DOCK2: variants seen among roughly 807,000 people sequenced by gnomAD.
The protein encoded by DOCK2 is dedicator of cytokinesis protein 2.
A neutral mutation model predicts 248.9 loss-of-function variants in DOCK2; 87 were observed. The ratio of observed to expected loss-of-function variants is 0.35; its 90% CI spans 0.29 to 0.42. The LOEUF (loss-of-function observed/expected upper bound fraction) is 0.42. Among genes scored for constraint, DOCK2 ranks in the 10% least tolerant of loss-of-function variants. DOCK2 has a pLI of 1.00. For synonymous variants in DOCK2, 805 were observed against 821.6 expected (o/e 0.98, Z 0.35); for missense variants, 1,747 against 2,300.2 (o/e 0.76, Z 4.92).
At chr5:169,994,502 G>C (rs535812596) in intron 29 of DOCK2, among the ~76,000 whole-genome samples, 1 of 152,304 alleles carries the variant, frequency 6.6e-6, no homozygotes, top group African/African-American at 2.4e-5. Flanking sequence ...GTGCTCATAG[G>C]AGGGGTGCCA....
intron 22 of DOCK2, among the ~76,000 whole-genome samples, chr5:169,729,493 C>A (rs1226769642): frequency 6.6e-6 from 1 of 152,176 alleles, no homozygotes; most frequent in East Asian, 1.9e-4. Context: ...TACTCTCCCA[C>A]ATACAGGAGA....
chr5:170,054,457 G>C (rs1243216785), intron 41 of DOCK2, among the ~76,000 whole-genome samples: 2 of 152,172 alleles, frequency 1.3e-5, no homozygotes, highest in Non-Finnish European at 2.9e-5. Flanking sequence ...CCTAGAAGAG[G>C]CATGACAAGG....
chr5:170,040,296 G>A (rs573579756), intron 36 of DOCK2, among the ~76,000 whole-genome samples: 6 of 152,208 alleles, frequency 3.9e-5, no homozygotes, highest in South Asian at 2.1e-4. Context: ...TTTCCAAAGC[G>A]CCCTTCCTTT....
intron 26 of DOCK2, among the ~76,000 whole-genome samples, chr5:169,808,349 TAG>T (rs759250424): frequency 6.6e-5 from 10 of 152,154 alleles, no homozygotes; most frequent in Non-Finnish European, 1.3e-4. Context: ...TTGTCTTCAA[TAG>T]ATTGTCATTG....
At chr5:169,677,211 A>G (rs965456299) in intron 6 of DOCK2, among the ~76,000 whole-genome samples, 4 of 152,212 alleles carry the variant, frequency 2.6e-5, no homozygotes, top group African/African-American at 9.6e-5. Context: ...TACAGCTACA[A>G]GAAAAACACA....
At position 169,670,616 on chromosome 5, in the gene DOCK2, C is replaced by T. The variant is rs370670918; in HGVS notation, c.224+19C>T. 6.2e-6 allele frequency: 10 copies of T among 1,613,338 alleles called. No individual in the cohort carries two copies. In the African/African-American group the frequency reaches 9.4e-5, roughly 15 times the overall value. ...AAAGAAGGTATTTGCCATTCTTCACCAGACTTGAGCCTCCAGTGGCTCATG... is the reference window on the plus strand; with the variant it reads ...AAAGAAGGTATTTGCCATTCTTCACTAGACTTGAGCCTCCAGTGGCTCATG... On this transcript the variant is annotated intron_variant, in intron 4 of 51. Coordinates refer to ENST00000520908, the MANE Select transcript of DOCK2 (RefSeq NM_004946.3).
chr5:169,960,836 C>T (rs1406714035), intron 27 of DOCK2, among the ~76,000 whole-genome samples: 1 of 152,216 alleles, frequency 6.6e-6, no homozygotes, highest in Non-Finnish European at 1.5e-5. Context: ...ATCCTACTCT[C>T]TTTGCCTAGG....
chr5:170,047,929 C>T (rs1157300394), intron 40 of DOCK2, among the ~76,000 whole-genome samples: 1 of 152,168 alleles, frequency 6.6e-6, no homozygotes, highest in East Asian at 1.9e-4. Flanking sequence ...TCAGGAGTTA[C>T]TGTAGAGCAG....
chr5:169,843,266 T>C lies in DOCK2; in HGVS notation c.2799+2414T>C, dbSNP rs574007077. On this transcript the variant is annotated intron_variant, in intron 27 of 51. Transcript: ENST00000520908. ...CACAAATGTACGAAGCTGCTCTAGC[T>C]GTGACCGCTCCCTCTTCTAAATCAC... Among the ~76,000 whole-genome samples, 703 of 152,314 alleles carry C rather than the reference T, an allele frequency of 4.6e-3. 10 individuals carry two copies. The highest frequency in any genetic ancestry group is 0.016 in the African/African-American group (661 of 41,576).
At chr5:169,981,293 A>G (rs59295005) in intron 27 of DOCK2, among the ~76,000 whole-genome samples, 4,153 of 152,268 alleles carry the variant, frequency 0.027, 217 homozygotes, top group African/African-American at 0.093. Flanking sequence ...CTCTACCACT[A>G]GAACGAAATT....
At chr5:170,043,348 C>T (rs1756584223) in intron 38 of DOCK2, among the ~76,000 whole-genome samples, 1 of 152,186 alleles carries the variant, frequency 6.6e-6, no homozygotes, top group Non-Finnish European at 1.5e-5. Flanking sequence ...CTGCATAGGA[C>T]CTAGTGCATA....
chr5:169,710,766 T>C (rs1168094236), intron 15 of DOCK2, among the ~76,000 whole-genome samples: 2 of 152,174 alleles, frequency 1.3e-5, no homozygotes, highest in African/African-American at 4.8e-5. Context: ...TGTCTCCCCA[T>C]ACCCAATGCC....
intron 46 of DOCK2, among the ~76,000 whole-genome samples, chr5:170,071,233 A>G (rs1757670244): frequency 6.6e-6 from 1 of 152,204 alleles, no homozygotes. Flanking sequence ...TGTTCTTGCA[A>G]CTTATATTTA....
chr5:169,679,296 C>T (rs1356585234), intron 6 of DOCK2, among the ~76,000 whole-genome samples: 5 of 152,186 alleles, frequency 3.3e-5, no homozygotes, highest in African/African-American at 9.7e-5. Flanking sequence ...TTTATCACTT[C>T]CTTGAACAGA....
Position 170,063,669 on chromosome 5 carries a change from A to T in DOCK2, c.4468-3841A>T, listed in dbSNP as rs141692282. On this transcript the variant is annotated intron_variant, in intron 44 of 51. Transcript: ENST00000520908. ...TTCTTCCTGCAAGGAGTTTGGCCAC[A>T]TACCAAGTGCCACACTAGAGCTCCC... Among the ~76,000 whole-genome samples, 1,149 of 152,302 alleles carry T rather than the reference A, an allele frequency of 7.5e-3. 14 individuals carry two copies. The highest frequency in any genetic ancestry group is 0.026 in the African/African-American group (1,084 of 41,558).
intron 26 of DOCK2, among the ~76,000 whole-genome samples, chr5:169,809,271 A>G (rs1244569032): frequency 6.6e-5 from 10 of 152,178 alleles, no homozygotes; most frequent in Admixed American, 6.5e-4. Context: ...GATTACAGGC[A>G]TGAGCCACTG....
chr5:169,839,106 G>A (rs1449930276), intron 26 of DOCK2, among the ~76,000 whole-genome samples: 1 of 152,108 alleles, frequency 6.6e-6, no homozygotes, highest in African/African-American at 2.4e-5. Context: ...AGCCACTATC[G>A]ATTTAGCACT....
At chr5:169,960,844 A>G (rs1777057049) in intron 27 of DOCK2, among the ~76,000 whole-genome samples, 1 of 152,252 alleles carries the variant, frequency 6.6e-6, no homozygotes, top group Non-Finnish European at 1.5e-5. Context: ...CTCTTTGCCT[A>G]GGATGTGAAT....
At chr5:169,650,914 G>A (rs1757770272) in intron 1 of DOCK2, among the ~76,000 whole-genome samples, 1 of 152,200 alleles carries the variant, frequency 6.6e-6, no homozygotes, top group Non-Finnish European at 1.5e-5. Flanking sequence ...GTATTTGCGG[G>A]AATGGCCGAG....
Sources: allele counts gnomAD v4.1 joint callset (sites outside exome capture counted in the v4.1 genomes callset), GRCh38; gene constraint gnomAD v4.1.1; transcripts MANE v1.5; gene names NCBI Gene and HGNC (gene_info 2026-07-23, HGNC 2026-07-21).